PRKCI: variants seen among roughly 807,000 people sequenced by gnomAD.
PRKCI encodes protein kinase C iota, also known as protein kinase C iota type.
In PRKCI, 43 loss-of-function variants were observed where a neutral mutation model predicts 84.0. The observed-to-expected ratio is 0.51, with a 90% CI of 0.40 to 0.66. The LOEUF is 0.66. PRKCI is among the 30% of genes least tolerant of loss of function. The pLI is 0.00. For missense variants in PRKCI, 459 were observed against 745.6 expected, an observed-to-expected ratio of 0.62 and a Z score of 4.48; for synonymous variants, 216 against 234.4, an observed-to-expected ratio of 0.92 and a Z score of 0.72.
At chr3:170,262,295 A>G (rs1426122103) in intron 3 of PRKCI, among the ~76,000 whole-genome samples, 1 of 152,168 alleles carries the variant, frequency 6.6e-6, no homozygotes, top group Non-Finnish European at 1.5e-5. Context: ...TTTATGTTCC[A>G]TATTTGTATA....
At chr3:170,262,995 C>T (rs1370399058) in intron 3 of PRKCI, among the ~76,000 whole-genome samples, 8 of 151,472 alleles carry the variant, frequency 5.3e-5, no homozygotes, top group Non-Finnish European at 8.9e-5. Flanking sequence ...ACGGTGAAAC[C>T]CCGTCTCTAC....
chr3:170,278,190 T>G (rs989619618), intron 8 of PRKCI, among the ~76,000 whole-genome samples: 1 of 152,222 alleles, frequency 6.6e-6, no homozygotes, highest in Non-Finnish European at 1.5e-5. Flanking sequence ...TGAAGTTAAC[T>G]CTATCTTTTT....
intron 2 of PRKCI, among the ~76,000 whole-genome samples, chr3:170,250,054 T>A (rs1733398761): frequency 6.6e-6 from 1 of 152,026 alleles, no homozygotes; most frequent in African/African-American, 2.4e-5. Context: ...GGCCGGTGGA[T>A]CACCTGAGGT....
chr3:170,248,316 T>G (rs1733343222), intron 2 of PRKCI, among the ~76,000 whole-genome samples: 2 of 152,154 alleles, frequency 1.3e-5, no homozygotes, highest in Non-Finnish European at 2.9e-5. Context: ...TTTGCTGCTT[T>G]CTTTTTGTAG....
intron 1 of PRKCI, among the ~76,000 whole-genome samples, chr3:170,229,187 T>C (rs1048324966): frequency 2.6e-5 from 4 of 152,230 alleles, no homozygotes; most frequent in African/African-American, 9.6e-5. Flanking sequence ...ACATACCCTT[T>C]TATTTTTCCA....
At chr3:170,288,069 C>T (rs1734443889) in intron 12 of PRKCI, among the ~76,000 whole-genome samples, 1 of 151,022 alleles carries the variant, frequency 6.6e-6, no homozygotes, top group African/African-American at 2.4e-5. Context: ...CATGGTGAAA[C>T]CCCGTCTCTA....
chr3:170,262,373 C>A (rs58065521), intron 3 of PRKCI, among the ~76,000 whole-genome samples: 12,344 of 152,042 alleles, frequency 0.081, 1,203 homozygotes, highest in African/African-American at 0.23. Flanking sequence ...GGATTTAAGG[C>A]GATATTAGTT....
At chr3:170,287,986 C>T (rs1422815494) in intron 12 of PRKCI, among the ~76,000 whole-genome samples, 2 of 151,272 alleles carry the variant, frequency 1.3e-5, no homozygotes, top group African/African-American at 2.4e-5. Flanking sequence ...GTGGCTTGCA[C>T]CTGTAATCCC....
chr3:170,280,629 A>G (rs1435837273), intron 9 of PRKCI, among the ~76,000 whole-genome samples: 3 of 152,020 alleles, frequency 2.0e-5, no homozygotes, highest in East Asian at 1.9e-4. Context: ...TTGTATTTTT[A>G]GTAGAGATGG....
intron 2 of PRKCI, among the ~76,000 whole-genome samples, chr3:170,243,985 T>C (rs1733206563): frequency 6.6e-6 from 1 of 152,086 alleles, no homozygotes; most frequent in Non-Finnish European, 1.5e-5. Context: ...GATTCAGAAG[T>C]GAGGTATGAT....
Position 170,303,230 on chromosome 3 carries a change from C to CA in PRKCI, c.*110dup, listed in dbSNP as rs999400234. ...TTAACCATTTTATATTTGCCACCTA[C>CA]AAAAAAACACCCAATATCTTCTCTT... On this transcript the variant is annotated 3_prime_UTR_variant, in exon 18 of 18. Coordinates refer to ENST00000295797, the MANE Select transcript of PRKCI (RefSeq NM_002740.6). The CA allele has an allele frequency of 1.4e-6, 1 of 701,144 alleles. No individual in the cohort carries two copies. Among genetic ancestry groups the CA allele is most frequent in the Non-Finnish European group, 2.3e-6 (1 of 437,340 alleles). 43.4% of individuals were successfully genotyped at this position (701,144 alleles called of 1,614,324 possible). A position where few individuals can be genotyped will look rare whatever the true frequency, so the allele number is the denominator to read the frequency against.
At chr3:170,260,094 A>T (rs935225975) in intron 3 of PRKCI, 36 bp downstream of exon 3, 2 of 1,353,024 alleles carry the variant, frequency 1.5e-6, no homozygotes, top group Non-Finnish European at 2.1e-6. Flanking sequence ...GTCCAGACTG[A>T]TAATTTCTTT....
intron 2 of PRKCI, among the ~76,000 whole-genome samples, chr3:170,243,969 G>A (rs934988704): frequency 1.3e-5 from 2 of 152,164 alleles, no homozygotes; most frequent in Non-Finnish European, 2.9e-5. Flanking sequence ...TGGTGGAGTG[G>A]GGATGGATTC....
rs1481345234 is a variant in PRKCI, at chr3:170,305,448, C to G, written c.*2321C>G. On this transcript the variant is annotated 3_prime_UTR_variant, in exon 18 of 18. Coordinates refer to ENST00000295797, the MANE Select transcript of PRKCI (RefSeq NM_002740.6). Reference sequence around the variant, plus strand: ...AATCTTTAAGTTAGGTATCTACCTTCCCACCAGCCCCCCAAAAAACCTCTC... The same window carrying G: ...AATCTTTAAGTTAGGTATCTACCTTGCCACCAGCCCCCCAAAAAACCTCTC... 1 of 152,570 alleles carries G rather than the reference C, an allele frequency of 6.6e-6. No homozygotes were observed. Among genetic ancestry groups the G allele is most frequent in the Non-Finnish European group, 1.5e-5 (1 of 68,034 alleles). The allele number at this position is 152,570 out of a possible 1,614,324, so 9.5% of individuals were successfully genotyped here. A position where few individuals can be genotyped will look rare whatever the true frequency, so the allele number is the denominator to read the frequency against.
intron 7 of PRKCI, 57 bp downstream of exon 7, chr3:170,273,397 T>G: frequency 6.6e-7 from 1 of 1,508,840 alleles, no homozygotes; most frequent in Non-Finnish European, 9.2e-7. Flanking sequence ...TGTAAAGACT[T>G]ACTTAGGTGA....
chr3:170,286,144 C>T (rs1023864348), intron 12 of PRKCI, among the ~76,000 whole-genome samples: 1 of 151,822 alleles, frequency 6.6e-6, no homozygotes, highest in African/African-American at 2.4e-5. Context: ...CCAGGCTGGT[C>T]GCGAACTCCT....
chr3:170,279,521 A>G (rs1046756991), intron 8 of PRKCI, among the ~76,000 whole-genome samples: 2 of 152,162 alleles, frequency 1.3e-5, no homozygotes, highest in East Asian at 1.9e-4. Flanking sequence ...TTTTGCAGGC[A>G]TCTAATAAAA....
In PRKCI at chr3:170,235,351, G is replaced by C; in HGVS notation, c.223G>C (p.Gly75Arg). 2 of 1,613,834 alleles carry C rather than the reference G, an allele frequency of 1.2e-6. No homozygotes were observed. Among genetic ancestry groups the C allele is most frequent in the Non-Finnish European group, 1.7e-6 (2 of 1,179,832 alleles). The change falls in exon 2 of 18, where the codon GGA (glycine) becomes CGA (arginine). Residue 75 changes from glycine (G) to arginine (R), a missense_variant and splice_region_variant. Physicochemically the swap from Gly to Arg is moderately radical, Grantham distance 125. This residue lies in a region of PRKCI where 250 missense variants were observed against 319.7 expected (regional missense o/e 0.78). Transcript: ENST00000295797. Reference protein sequence around the residue: ...LFTMKWIDEEGDPCTVSSQLE... With the variant: ...LFTMKWIDEERDPCTVSSQLE... ...CACCATGAAATGGATAGATGAGGAA[G>C]GTGAGTGGTAAAGACAGGGCTGCCT...
Position 170,284,382 on chromosome 3 carries a change from T to A in PRKCI, c.1068-79T>A, listed in dbSNP as rs761655328. 7.4e-5 allele frequency: 91 copies of A among 1,227,340 alleles called. 1 individual carries two copies. The Middle Eastern group carries it at 2.3e-3, about 31-fold the overall frequency. 76.0% of individuals were successfully genotyped at this position (1,227,340 alleles called of 1,614,324 possible). A position where few individuals can be genotyped will look rare whatever the true frequency, so the allele number is the denominator to read the frequency against. On this transcript the variant is annotated intron_variant, in intron 11 of 17. Coordinates refer to ENST00000295797, the MANE Select transcript of PRKCI (RefSeq NM_002740.6). ...TGGGAGAAAAAAATATGTTTTAATA[T>A]GAATTTTTGTGTTTCCAGTTGTAAA...
Sources: allele counts gnomAD v4.1 joint callset (sites outside exome capture counted in the v4.1 genomes callset), GRCh38; gene constraint gnomAD v4.1.1; regional missense constraint gnomAD v4.1.1; transcripts MANE v1.5; gene names NCBI Gene and HGNC (gene_info 2026-07-23, HGNC 2026-07-21).